CADPS: variants seen among roughly 807,000 people sequenced by gnomAD.
CADPS encodes calcium dependent secretion activator, also known as calcium-dependent secretion activator 1.
Under a neutral mutation model 167.3 loss-of-function variants are expected in CADPS, and 57 were observed. That is an observed-to-expected ratio of 0.34 (90% CI 0.28 to 0.42). The LOEUF is 0.42. Ranked by LOEUF, CADPS falls within the 20% of genes least tolerant of loss-of-function variation. CADPS has a pLI of 1.00. For synonymous variants in CADPS, 676 were observed against 635.3 expected, an observed-to-expected ratio of 1.06 and a Z score of -0.96; for missense variants, 1,414 against 1,738.1, an observed-to-expected ratio of 0.81 and a Z score of 3.32.
intron 3 of CADPS, among the ~76,000 whole-genome samples, chr3:62,699,303 C>T (rs552642187): frequency 6.6e-6 from 1 of 152,006 alleles, no homozygotes; most frequent in Non-Finnish European, 1.5e-5. Flanking sequence ...TCCCAAAGTG[C>T]TGGGATTACC....
chr3:62,808,211 G>T (rs1000618899), intron 1 of CADPS, among the ~76,000 whole-genome samples: 5 of 149,506 alleles, frequency 3.3e-5, no homozygotes, highest in Non-Finnish European at 7.4e-5. Flanking sequence ...TTTCTAAATG[G>T]AATGAAATGC....
At chr3:62,864,812 A>G (rs2081388540) in intron 1 of CADPS, among the ~76,000 whole-genome samples, 1 of 152,132 alleles carries the variant, frequency 6.6e-6, no homozygotes. Flanking sequence ...AATCTAGAAA[A>G]CACCAATATT....
At chr3:62,813,575 C>T (rs2094481793) in intron 1 of CADPS, among the ~76,000 whole-genome samples, 1 of 151,998 alleles carries the variant, frequency 6.6e-6, no homozygotes, top group African/African-American at 2.4e-5. Flanking sequence ...ATGACTAAGT[C>T]CTCAAAAGCA....
chr3:62,660,176 C>A (rs2072828925), intron 4 of CADPS, among the ~76,000 whole-genome samples: 1 of 152,014 alleles, frequency 6.6e-6, no homozygotes, highest in Non-Finnish European at 1.5e-5. Context: ...TCATGTTAAG[C>A]CTTAAAGTAA....
At chr3:62,853,623 TAAA>T (rs71126559) in intron 1 of CADPS, among the ~76,000 whole-genome samples, 8 of 118,290 alleles carry the variant, frequency 6.8e-5, no homozygotes, top group Non-Finnish European at 6.7e-5. Flanking sequence ...AAAACTCCAC[TAAA>T]AAAAAAAAAA....
intron 7 of CADPS, among the ~76,000 whole-genome samples, chr3:62,588,474 C>G (rs1215452881): frequency 2.0e-5 from 3 of 151,954 alleles, no homozygotes; most frequent in Non-Finnish European, 2.9e-5. Flanking sequence ...TATAATATTG[C>G]AGGGTTGGGA....
intron 4 of CADPS, among the ~76,000 whole-genome samples, chr3:62,652,397 GCC>G (rs376974451): frequency 8.5e-4 from 71 of 83,278 alleles, no homozygotes; most frequent in African/African-American, 3.5e-3. Flanking sequence ...ATTCTGTGTG[GCC>G]AAAAAAAAAA....
intron 3 of CADPS, among the ~76,000 whole-genome samples, chr3:62,745,631 A>C (rs1277186311): frequency 1.3e-5 from 2 of 152,188 alleles, no homozygotes; most frequent in African/African-American, 4.8e-5. Context: ...CACATTATAA[A>C]ACAGGAGTAC....
intron 1 of CADPS, among the ~76,000 whole-genome samples, chr3:62,854,561 G>T (rs915508040): frequency 1.3e-5 from 2 of 152,176 alleles, no homozygotes; most frequent in African/African-American, 2.4e-5. Flanking sequence ...TATCTTAAGG[G>T]CTTTATAGTT....
At chr3:62,683,293 G>C (rs117246763) in intron 3 of CADPS, among the ~76,000 whole-genome samples, 1 of 152,188 alleles carries the variant, frequency 6.6e-6, no homozygotes, top group East Asian at 1.9e-4. Context: ...GGCTCACACA[G>C]AGGATGGATT....
intron 10 of CADPS, among the ~76,000 whole-genome samples, chr3:62,554,814 G>T (rs186018531): frequency 6.6e-6 from 1 of 152,090 alleles, no homozygotes; most frequent in African/African-American, 2.4e-5. Context: ...GTGCAGTGGC[G>T]CAGTCTTGGC....
intron 8 of CADPS, among the ~76,000 whole-genome samples, chr3:62,583,100 C>T (rs914425419): frequency 6.6e-6 from 1 of 151,856 alleles, no homozygotes; most frequent in African/African-American, 2.4e-5. Context: ...AGGACAGATA[C>T]ATTCATTCAT....
intron 10 of CADPS, among the ~76,000 whole-genome samples, chr3:62,551,517 T>C (rs1422103745): frequency 1.3e-5 from 2 of 152,190 alleles, no homozygotes; most frequent in Non-Finnish European, 2.9e-5. Context: ...CCAGAGTCCC[T>C]GATTTAGCAC....
chr3:62,552,723 G>C (rs554507225), intron 10 of CADPS, among the ~76,000 whole-genome samples: 1 of 152,162 alleles, frequency 6.6e-6, no homozygotes, highest in Non-Finnish European at 1.5e-5. Context: ...GGTGTGTATT[G>C]ATAGTTTTGC....
chr3:62,713,308 G>A (rs1024057828), intron 3 of CADPS, among the ~76,000 whole-genome samples: 2 of 152,126 alleles, frequency 1.3e-5, no homozygotes, highest in African/African-American at 4.8e-5. Flanking sequence ...TTGTGTCGGT[G>A]AGGTAGGAGG....
chr3:62,509,304 AAAAG>A lies in CADPS; in HGVS notation c.2599+3443_2599+3446del, dbSNP rs71123271. ...AAGACTCTGTCTCAAAAAAAAAAAA[AAAAG>A]AAAGAAAGAAAGAAAGAAATAAAAG... On this transcript the variant is annotated intron_variant, in intron 17 of 29. Coordinates refer to ENST00000383710, the MANE Select transcript of CADPS (RefSeq NM_003716.4). Among the ~76,000 whole-genome samples, 87 of 138,954 alleles carry A rather than the reference AAAAG, an allele frequency of 6.3e-4. 1 individual carries two copies. The highest frequency in any genetic ancestry group is 2.3e-3 in the East Asian group (11 of 4,844). 91.2% of individuals were successfully genotyped at this position (138,954 alleles called of 152,430 possible).
At position 62,573,242 on chromosome 3, in the gene CADPS, T is replaced by G. The variant is rs556481287; in HGVS notation, c.1578-2304A>C. Among the ~76,000 whole-genome samples, 15 of 152,360 alleles carry G rather than the reference T, an allele frequency of 9.8e-5. No homozygotes were observed. The East Asian group carries it at 2.9e-3, about 29-fold the overall frequency. On this transcript the variant is annotated intron_variant, in intron 8 of 29. Coordinates refer to ENST00000383710, the MANE Select transcript of CADPS (RefSeq NM_003716.4). ...ATAATACTTTGTACAATGTAAATACTATGTAAATAGTTGCTCTACTGTATT... is the reference window on the plus strand; with the variant it reads ...ATAATACTTTGTACAATGTAAATACGATGTAAATAGTTGCTCTACTGTATT...
Position 62,753,340 on chromosome 3 carries a change from A to C in CADPS, c.888+101T>G. ...TTTACCAGTAGAGTAATAAAATATA[A>C]GTTTTAATCCTTTTTTTAAAAAAAT... is the stretch of plus-strand genomic sequence containing the variant. On this transcript the variant is annotated intron_variant, in intron 3 of 29. Transcript: ENST00000383710. The surrounding 1 kb of genome is among the most constrained non-coding windows in gnomAD (Gnocchi z 4.6). 2 of 845,026 alleles carry C rather than the reference A, an allele frequency of 2.4e-6. No individual in the cohort carries two copies. Among genetic ancestry groups the C allele is most frequent in the Non-Finnish European group, 3.7e-6 (2 of 543,086 alleles). The allele number at this position is 845,026 out of a possible 1,614,324, so 52.3% of individuals were successfully genotyped here. A position where few individuals can be genotyped will look rare whatever the true frequency, so the allele number is the denominator to read the frequency against.
intron 3 of CADPS, among the ~76,000 whole-genome samples, chr3:62,700,787 A>G (rs963712047): frequency 3.3e-5 from 5 of 152,150 alleles, no homozygotes; most frequent in Admixed American, 2.0e-4. Flanking sequence ...AAGGCTGCAC[A>G]GTTAGTAGTA....
Sources: allele counts gnomAD v4.1 joint callset (sites outside exome capture counted in the v4.1 genomes callset), GRCh38; gene constraint gnomAD v4.1.1; non-coding constraint Gnocchi (gnomAD v3.1); transcripts MANE v1.5; gene names NCBI Gene and HGNC (gene_info 2026-07-23, HGNC 2026-07-21).